The following ADAMTSL3 variants were observed in gnomAD, a reference collection of about 807,000 sequenced individuals.
The protein encoded by ADAMTSL3 is ADAMTS like 3.
ADAMTSL3 carries 128 observed loss-of-function variants against 201.7 expected under a neutral mutation model. That is an observed-to-expected ratio of 0.63 (90% confidence interval 0.55 to 0.73). The LOEUF is 0.73. Ranked by LOEUF, ADAMTSL3 falls within the 30% of genes least tolerant of loss-of-function variation. The pLI, the probability that ADAMTSL3 is intolerant of heterozygous loss-of-function variation, is 0.00. For missense variants in ADAMTSL3, 1,990 were observed against 2,119.6 expected (o/e 0.94, Z 1.20); for synonymous variants, 738 against 748.4 (o/e 0.99, Z 0.23).
At chr15:83,975,102 C>T (rs1216201760) in intron 20 of ADAMTSL3, among the ~76,000 whole-genome samples, 2 of 150,300 alleles carry the variant, frequency 1.3e-5, no homozygotes, top group Non-Finnish European at 3.0e-5. Flanking sequence ...CCCGGGTTCA[C>T]GCCATTCTCC....
intron 16 of ADAMTSL3, among the ~76,000 whole-genome samples, chr15:83,917,734 T>C (rs1366136314): frequency 6.6e-6 from 1 of 152,164 alleles, no homozygotes; most frequent in Non-Finnish European, 1.5e-5. Flanking sequence ...ACCTGACCCC[T>C]TTATGAACCC....
intron 5 of ADAMTSL3, among the ~76,000 whole-genome samples, chr15:83,808,338 AT>A (rs2063635969): frequency 6.6e-6 from 1 of 152,230 alleles, no homozygotes; most frequent in Non-Finnish European, 1.5e-5. Context: ...CTTAATGGAC[AT>A]TTCTCAATAG....
At chr15:83,866,624 G>C (rs1023695593) in intron 8 of ADAMTSL3, among the ~76,000 whole-genome samples, 1 of 152,024 alleles carries the variant, frequency 6.6e-6, no homozygotes. Flanking sequence ...TGGGGGGAGT[G>C]GGGAGGGATA....
intron 2 of ADAMTSL3, among the ~76,000 whole-genome samples, chr15:83,701,906 A>C (rs533867437): frequency 6.6e-6 from 1 of 152,340 alleles, no homozygotes; most frequent in Admixed American, 6.5e-5. Flanking sequence ...GGTAACAAGC[A>C]GAGGTTGGAA....
At chr15:84,033,339 G>A (rs2068442731) in intron 28 of ADAMTSL3, among the ~76,000 whole-genome samples, 1 of 152,134 alleles carries the variant, frequency 6.6e-6, no homozygotes, top group African/African-American at 2.4e-5. Context: ...TAGGAAGATT[G>A]ACCAAATCCT....
chr15:83,988,808 G>A lies in ADAMTSL3; in HGVS notation c.3834G>A (p.Val1278=), dbSNP rs200282117. Residue 1278 remains valine, a synonymous_variant, in exon 22 of 30, where the codon GTG becomes GTA. Coordinates refer to ENST00000286744, the MANE Select transcript of ADAMTSL3 (RefSeq NM_207517.3). ...HLGSDVESSS[V]LYAEAPVILS... is the part of the protein sequence containing the mutation. ...GTTCAGATGTGGAAAGTTCTTCTGT[G>A]CTGTATGCAGGTAATGCCCACTGTT... 6.3e-7 allele frequency: 1 copy of A among 1,577,348 alleles called. No individual in the cohort carries two copies. The highest frequency in any genetic ancestry group is 1.7e-5 in the Admixed American group (1 of 59,170).
At chr15:84,000,430 A>T (rs1384500702) in intron 23 of ADAMTSL3, among the ~76,000 whole-genome samples, 1 of 151,870 alleles carries the variant, frequency 6.6e-6, no homozygotes, top group East Asian at 1.9e-4. Flanking sequence ...TCCTCTCTTA[A>T]CCCTATATTC....
At chr15:83,866,443 G>C (rs2064978523) in intron 8 of ADAMTSL3, among the ~76,000 whole-genome samples, 1 of 152,198 alleles carries the variant, frequency 6.6e-6, no homozygotes, top group Non-Finnish European at 1.5e-5. Context: ...AAAAGGATGA[G>C]TTCATGTCCT....
intron 28 of ADAMTSL3, among the ~76,000 whole-genome samples, chr15:84,035,480 TG>T (rs1331193878): frequency 6.6e-6 from 1 of 152,156 alleles, no homozygotes; most frequent in Non-Finnish European, 1.5e-5. Flanking sequence ...TCATACCTAC[TG>T]GGGAAAACAA....
At chr15:83,764,468 G>A (rs1164092111) in intron 3 of ADAMTSL3, among the ~76,000 whole-genome samples, 1 of 152,110 alleles carries the variant, frequency 6.6e-6, no homozygotes, top group Non-Finnish European at 1.5e-5. Context: ...CTTCTGGTTG[G>A]GTTTGGCAAA....
intron 2 of ADAMTSL3, among the ~76,000 whole-genome samples, chr15:83,700,997 C>T (rs183829655): frequency 6.6e-6 from 1 of 152,252 alleles, no homozygotes; most frequent in Non-Finnish European, 1.5e-5. Flanking sequence ...GACGTTTTAG[C>T]GTAAACTATA....
At chr15:83,971,604 T>G (rs970666169) in intron 20 of ADAMTSL3, among the ~76,000 whole-genome samples, 33 of 147,746 alleles carry the variant, frequency 2.2e-4, no homozygotes, top group Non-Finnish European at 4.5e-4. Flanking sequence ...GAGTTGTGTG[T>G]TAAAACATGT....
intron 2 of ADAMTSL3, among the ~76,000 whole-genome samples, chr15:83,672,510 C>G: frequency 6.6e-6 from 1 of 152,238 alleles, no homozygotes; most frequent in South Asian, 2.1e-4. Flanking sequence ...GATTGTAGAT[C>G]GTAGCAGAAA....
chr15:84,030,127 T>G (rs2068377196), intron 27 of ADAMTSL3, among the ~76,000 whole-genome samples: 1 of 152,134 alleles, frequency 6.6e-6, no homozygotes, highest in African/African-American at 2.4e-5. Context: ...GGTTGGAGCC[T>G]CCACACAGAG....
At chr15:83,657,007 C>T (rs1567053833) in intron 2 of ADAMTSL3, among the ~76,000 whole-genome samples, 1 of 152,146 alleles carries the variant, frequency 6.6e-6, no homozygotes, top group Non-Finnish European at 1.5e-5. Flanking sequence ...CCCATTTTAT[C>T]GATACTATCC....
chr15:83,881,691 C>T (rs1032963562), intron 9 of ADAMTSL3, among the ~76,000 whole-genome samples: 7 of 151,548 alleles, frequency 4.6e-5, no homozygotes, highest in Non-Finnish European at 1.0e-4. Context: ...TGCATCTCTA[C>T]TAAAAATACA....
At chr15:83,979,564 A>G (rs2067348831) in intron 20 of ADAMTSL3, among the ~76,000 whole-genome samples, 2 of 152,222 alleles carry the variant, frequency 1.3e-5, no homozygotes, top group Admixed American at 6.5e-5. Flanking sequence ...TTCCTTTTAC[A>G]TGTAGGCACT....
chr15:84,036,408 G>A (rs1456730322), intron 28 of ADAMTSL3, among the ~76,000 whole-genome samples: 1 of 152,090 alleles, frequency 6.6e-6, no homozygotes, highest in Non-Finnish European at 1.5e-5. Flanking sequence ...AATTTGAGGT[G>A]GCTTATTGTA....
intron 24 of ADAMTSL3, 56 bp downstream of exon 24, chr15:84,014,780 G>A: frequency 6.6e-7 from 1 of 1,511,076 alleles, no homozygotes; most frequent in South Asian, 1.3e-5. Context: ...GCACAAAGTA[G>A]GCCCCAGTTT....
Sources: allele counts gnomAD v4.1 joint callset (sites outside exome capture counted in the v4.1 genomes callset), GRCh38; gene constraint gnomAD v4.1.1; transcripts MANE v1.5; gene names NCBI Gene and HGNC (gene_info 2026-07-23, HGNC 2026-07-21).